The following DYNC2LI1 variants were observed in gnomAD, a reference collection of about 807,000 sequenced individuals.
DYNC2LI1 encodes cytoplasmic dynein 2 light intermediate chain 1.
Under a neutral mutation model 51.9 loss-of-function variants are expected in DYNC2LI1, and 45 were observed. That is an observed-to-expected ratio of 0.87 (90% CI 0.68 to 1.11). The LOEUF (loss-of-function observed/expected upper bound fraction) is 1.11, where lower values mean the gene tolerates loss of function less well. Ranked by LOEUF, DYNC2LI1 falls within the 50% of genes most tolerant of loss-of-function variation. The probability of loss-of-function intolerance (pLI) is 0.00; values close to 1 mark genes in which losing one functional copy is unlikely to be tolerated. For synonymous variants in DYNC2LI1, 130 were observed against 137.8 expected, an observed-to-expected ratio of 0.94 and a Z score of 0.40; for missense variants, 490 against 417.4, an observed-to-expected ratio of 1.17 and a Z score of -1.51.
chr2:43,809,649 C>T, intron 12 of DYNC2LI1, 56 bp from the exon 13 acceptor site: 4 of 1,259,268 alleles, frequency 3.2e-6, no homozygotes, highest in Non-Finnish European at 3.4e-6. Context: ...TTTTAAGGTG[C>T]CTCCTTGAAT....
At chr2:43,787,352 C>T (rs1412386962) in intron 4 of DYNC2LI1, 102 bp downstream of exon 4, 2 of 949,218 alleles carry the variant, frequency 2.1e-6, no homozygotes, top group Non-Finnish European at 1.6e-6. Flanking sequence ...AATAAACATA[C>T]CCAGTTGTAC....
chr2:43,799,850 A>G (rs1365316726), intron 8 of DYNC2LI1, among the ~76,000 whole-genome samples: 2 of 152,236 alleles, frequency 1.3e-5, no homozygotes, highest in African/African-American at 2.4e-5. Context: ...ATTTTAAAAC[A>G]TGGTCTCAGT....
downstream of DYNC2LI1, among the ~76,000 whole-genome samples, chr2:43,813,709 G>GTTTTT (rs1214033245): frequency 1.9e-3 from 65 of 34,034 alleles, no homozygotes; most frequent in African/African-American, 4.4e-3. Flanking sequence ...TTTTTTTTTC[G>GTTTTT]TTTTTTTTTT....
At chr2:43,779,960 C>G (rs959294703) in intron 2 of DYNC2LI1, among the ~76,000 whole-genome samples, 7 of 152,038 alleles carry the variant, frequency 4.6e-5, no homozygotes, top group Non-Finnish European at 1.0e-4. Flanking sequence ...GGGTACAGTG[C>G]AAAGTGAGGG....
chr2:43,784,562 C>T (rs893560453), intron 3 of DYNC2LI1, among the ~76,000 whole-genome samples: 1 of 152,056 alleles, frequency 6.6e-6, no homozygotes, highest in South Asian at 2.1e-4. Flanking sequence ...GCCTCAGCCT[C>T]CCGCTGGGAT....
At chr2:43,803,743 G>T (rs1001832401) in intron 10 of DYNC2LI1, among the ~76,000 whole-genome samples, 1 of 152,156 alleles carries the variant, frequency 6.6e-6, no homozygotes, top group Non-Finnish European at 1.5e-5. Flanking sequence ...TCAGTGGAGC[G>T]TATCAATGGC....
chr2:43,822,471 C>G, the DYNC2LI1 span: 85 of 552,694 alleles, frequency 1.5e-4, no homozygotes, highest in Non-Finnish European at 1.8e-4. Flanking sequence ...TTTCTCCCCT[C>G]CCCCAGGCCC....
intron 12 of DYNC2LI1, 140 bp from the exon 13 acceptor site, chr2:43,809,565 A>C: frequency 3.0e-6 from 2 of 676,546 alleles, no homozygotes; most frequent in Non-Finnish European, 5.2e-6. Context: ...CATTTACAAA[A>C]TAATTGGCAA....
chr2:43,794,636 A>C lies in DYNC2LI1; in HGVS notation c.500A>C (p.Asp167Ala). ...RQKIWNNMPK[D>A]HPDHELIDPF... is the part of the protein sequence containing the mutation. Reference sequence around the variant, plus strand: ...AAGATCTGGAATAATATGCCGAAGGATCATCCTGTGAGTTGCTGTTTGGGA... The same window carrying C: ...AAGATCTGGAATAATATGCCGAAGGCTCATCCTGTGAGTTGCTGTTTGGGA... Residue 167 changes from aspartate (D) to alanine (A), a missense_variant, in exon 6 of 13, where the codon GAT (aspartate) becomes GCT (alanine). Transcript: ENST00000260605. 6.2e-7 allele frequency: 1 copy of C among 1,614,082 alleles called. No homozygotes were observed. Among genetic ancestry groups the C allele is most frequent in the Non-Finnish European group, 8.5e-7 (1 of 1,179,986 alleles).
chr2:43,820,002 A>G, the DYNC2LI1 span: 1 of 1,614,212 alleles, frequency 6.2e-7, no homozygotes, highest in Non-Finnish European at 8.5e-7. Context: ...GACGATACCA[A>G]GTAGCACAAG....
At chr2:43,789,360 A>G (rs1673671231) in intron 4 of DYNC2LI1, among the ~76,000 whole-genome samples, 1 of 152,206 alleles carries the variant, frequency 6.6e-6, no homozygotes, top group African/African-American at 2.4e-5. Flanking sequence ...TGTTATTTAC[A>G]AGATTGACGC....
At chr2:43,797,716 C>T (rs1053532061) in intron 8 of DYNC2LI1, among the ~76,000 whole-genome samples, 1 of 151,910 alleles carries the variant, frequency 6.6e-6, no homozygotes, top group African/African-American at 2.4e-5. Context: ...GATGGGGTTT[C>T]ACTATGTTGG....
chr2:43,782,441 A>G (rs1673334350), intron 2 of DYNC2LI1, among the ~76,000 whole-genome samples: 1 of 151,750 alleles, frequency 6.6e-6, no homozygotes, highest in South Asian at 2.1e-4. Flanking sequence ...GTTTTTGGCA[A>G]TCCAGAGTTT....
Position 43,804,688 on chromosome 2 carries a change from C to G in DYNC2LI1, c.849C>G (p.His283Gln), listed in dbSNP as rs1361706393. 3.7e-6 allele frequency: 6 copies of G among 1,608,878 alleles called. No homozygotes were observed. Among genetic ancestry groups the G allele is most frequent in the Middle Eastern group, 1.6e-4 (1 of 6,062 alleles). Residue 283 changes from histidine to glutamine, a missense_variant, in exon 11 of 13, where the codon CAC (histidine) becomes CAG (glutamine). Physicochemically the swap from His to Gln is conservative, Grantham distance 24. Transcript: ENST00000260605. ...ATGACATTGGAAAGCTTCATGCCCACTCACCTATGGAGTTGTGGAAAAAAG... is the reference window on the plus strand; with the variant it reads ...ATGACATTGGAAAGCTTCATGCCCAGTCACCTATGGAGTTGTGGAAAAAAG... ...PENDIGKLHA[H>Q]SPMELWKKVY...
chr2:43,774,264 T>C, intron 1 of DYNC2LI1, 118 bp downstream of exon 1: 5 of 1,383,026 alleles, frequency 3.6e-6, no homozygotes, highest in Non-Finnish European at 5.0e-6. Flanking sequence ...CACCAGGATA[T>C]GCAGGGTCGG....
At chr2:43,795,433 A>C (rs952627277) in intron 6 of DYNC2LI1, among the ~76,000 whole-genome samples, 2 of 151,960 alleles carry the variant, frequency 1.3e-5, no homozygotes, top group African/African-American at 4.8e-5. Flanking sequence ...GAACCTGGGA[A>C]GTGGAGGTTG....
chr2:43,793,075 A>G (rs940088452), intron 5 of DYNC2LI1: 8 of 254,842 alleles, frequency 3.1e-5, no homozygotes, highest in Admixed American at 2.2e-4. Context: ...AGGAATCACT[A>G]TACTATTTTA....
intron 1 of DYNC2LI1, among the ~76,000 whole-genome samples, 189 bp from the exon 2 acceptor site, chr2:43,776,592 TC>T (rs1558659762): frequency 6.6e-6 from 1 of 152,156 alleles, no homozygotes; most frequent in Admixed American, 6.5e-5. Flanking sequence ...GAGAACTAGT[TC>T]AAAGCAACAA....
At chr2:43,815,196 A>G in the DYNC2LI1 span, among the ~76,000 whole-genome samples, 1 of 152,226 alleles carries the variant, frequency 6.6e-6, no homozygotes, top group Non-Finnish European at 1.5e-5. Flanking sequence ...TCATTGTGAA[A>G]ATGAAATATG....
Sources: gnomAD v4.1 joint callset for allele counts (sites outside exome capture counted in the v4.1 genomes callset) on GRCh38, gnomAD v4.1.1 for gene constraint, MANE v1.5 for transcripts, NCBI Gene and HGNC (gene_info 2026-07-23, HGNC 2026-07-21) for gene names.